TPM4: variants seen among roughly 807,000 people sequenced by gnomAD.
TPM4 encodes tropomyosin alpha-4 chain.
A neutral mutation model predicts 35.8 loss-of-function variants in TPM4; 17 were observed. The observed-to-expected ratio is 0.47, with a 90% CI of 0.32 to 0.71. The LOEUF (loss-of-function observed/expected upper bound fraction) is 0.71, where lower values mean the gene tolerates loss of function less well. TPM4 is among the 30% of genes least tolerant of loss of function. TPM4 has a pLI of 0.03. For synonymous variants in TPM4, 120 were observed against 122.9 expected, an observed-to-expected ratio of 0.98 and a Z score of 0.15; for missense variants, 240 against 320.9, an observed-to-expected ratio of 0.75 and a Z score of 1.93.
At position 16,101,771 on chromosome 19, in the gene TPM4, A is replaced by G. The variant is rs1455809296; in HGVS notation, c.*425A>G. 3.4e-5 allele frequency: 8 copies of G among 233,360 alleles called. No individual in the cohort carries two copies. The highest frequency in any genetic ancestry group is 5.1e-5 in the Non-Finnish European group (6 of 118,090). 14.5% of individuals were successfully genotyped at this position (233,360 alleles called of 1,614,324 possible). On this transcript the variant is annotated 3_prime_UTR_variant, in exon 8 of 8. Transcript: ENST00000643579. Reference sequence around the variant, plus strand: ...TTTTGGGTCAACTGTTGGTCAAACTATAGGAGAGACCAGGGACCATCACAT... The same window carrying G: ...TTTTGGGTCAACTGTTGGTCAAACTGTAGGAGAGACCAGGGACCATCACAT...
At chr19:16,075,951 G>C, upstream of TPM4, 1 of 1,475,778 alleles carries the variant, frequency 6.8e-7, no homozygotes, top group East Asian at 2.5e-5. Flanking sequence ...AGAGAGAGAC[G>C]GAGGACTCTT....
At chr19:16,069,988 ATG>A (rs144086539) in intron 2 of TPM4, among the ~76,000 whole-genome samples, 3 of 146,274 alleles carry the variant, frequency 2.1e-5, no homozygotes, top group Admixed American at 6.8e-5. Context: ...ATGGCACGGC[ATG>A]TGTGTGTGTG....
intron 3 of TPM4, 45 bp from the exon 4 acceptor site, chr19:16,087,982 C>T (rs748357243): frequency 1.3e-5 from 20 of 1,580,596 alleles, no homozygotes; most frequent in Middle Eastern, 3.7e-4. Context: ...GGAGAGGACA[C>T]GGCTGGTGGG....
chr19:16,086,971 T>A (rs982810669), intron 3 of TPM4, among the ~76,000 whole-genome samples: 2 of 152,102 alleles, frequency 1.3e-5, no homozygotes, highest in Non-Finnish European at 2.9e-5. Flanking sequence ...GGCCCCAGGA[T>A]GGCTCTTTCA....
At position 16,089,054 on chromosome 19, in the gene TPM4, T is replaced by C. The variant is rs770202706; in HGVS notation, c.465T>C (p.Gly155=). ...CTTTGTCTTTGTGCAGAAAATGTGG[T>C]GACCTGGAAGAAGAACTCAAGAATG... ...ERAEVSELKC[G]DLEEELKNVT... Residue 155 remains glycine (G), a synonymous_variant, in exon 5 of 8, where the codon GGT becomes GGC. Transcript: ENST00000643579. 9.3e-6 allele frequency: 15 copies of C among 1,614,000 alleles called. No homozygotes were observed. The South Asian group carries it at 1.6e-4, about 18-fold the overall frequency.
Position 16,088,574 on chromosome 19 carries a change from G to C in TPM4, c.456-471G>C, listed in dbSNP as rs180902869. On this transcript the variant is annotated intron_variant, in intron 4 of 7. Transcript: ENST00000643579. ...CGAAAAACAAAACACCTGTCCTCTT[G>C]GCCCCGGGTGAGGAATTCAGCCCCA... 1.2e-5 allele frequency: 12 copies of C among 1,035,200 alleles called. No individual in the cohort carries two copies. The East Asian group carries it at 9.0e-4, about 78-fold the overall frequency. The allele number at this position is 1,035,200 out of a possible 1,614,324, so 64.1% of individuals were successfully genotyped here.
At chr19:16,069,648 T>TC (rs2090335993) in intron 2 of TPM4, among the ~76,000 whole-genome samples, 7 of 136,088 alleles carry the variant, frequency 5.1e-5, no homozygotes, top group African/African-American at 1.9e-4. Context: ...GTGTTTCTGT[T>TC]GGTGTGTGTG....
intron 7 of TPM4, 71 bp from the exon 8 acceptor site, chr19:16,101,189 CAAAT>C: frequency 7.9e-7 from 1 of 1,266,724 alleles, no homozygotes; most frequent in Non-Finnish European, 1.1e-6. Flanking sequence ...GAAAAAAAAA[CAAAT>C]CTTTTTTTTT....
Position 16,096,969 on chromosome 19 carries a change from T to TTC in TPM4, c.664+3217_664+3218dup, listed in dbSNP as rs1568312348. On this transcript the variant is annotated intron_variant, in intron 7 of 7. Transcript: ENST00000643579. ...TTTTTTTTTTTTTTTTTTTTTTTTT[T>TTC]TCAAGACAGGGTCTCACTCTGTTGC... 2.1e-3 allele frequency among the ~76,000 whole-genome samples: 240 copies of TTC among 112,528 alleles called. 2 individuals are homozygous for TTC. The highest frequency in any genetic ancestry group is 8.4e-3 in the African/African-American group (228 of 27,172). 73.8% of individuals were successfully genotyped at this position (112,528 alleles called of 152,430 possible). A position where few individuals can be genotyped will look rare whatever the true frequency, so the allele number is the denominator to read the frequency against.
chr19:16,085,644 C>G (rs537241639), intron 2 of TPM4, among the ~76,000 whole-genome samples: 3 of 152,176 alleles, frequency 2.0e-5, no homozygotes, highest in African/African-American at 4.8e-5. Flanking sequence ...CTACCACTTA[C>G]CAGCTCTGTA....
At chr19:16,096,800 A>C (rs772117282) in intron 7 of TPM4, among the ~76,000 whole-genome samples, 1 of 152,144 alleles carries the variant, frequency 6.6e-6, no homozygotes, top group Admixed American at 6.6e-5. Flanking sequence ...GACTGCTAAC[A>C]TCAATCTCCA....
Position 16,067,878 on chromosome 19 carries a change from G to A in TPM4, c.114+140G>A, listed in dbSNP as rs776335135. ...ATGCTTTGGCGGAGGAAGAGCGAGG[G>A]GACCATTGCCTTCCTTGGATGGGGT... On this transcript the variant is annotated intron_variant, in intron 2 of 2. Coordinates refer to the TPM4 transcript ENST00000589897. The surrounding 1 kb of genome is among the most constrained non-coding windows in gnomAD (Gnocchi z 4.1). The A allele has an allele frequency of 1.3e-6, 1 of 752,318 alleles. No homozygotes were observed. Among genetic ancestry groups the A allele is most frequent in the South Asian group, 1.9e-5 (1 of 52,878 alleles). 46.6% of individuals were successfully genotyped at this position (752,318 alleles called of 1,614,324 possible). A position where few individuals can be genotyped will look rare whatever the true frequency, so the allele number is the denominator to read the frequency against.
chr19:16,076,217 A>C (rs1241846577), upstream of TPM4: 2 of 1,549,128 alleles, frequency 1.3e-6, no homozygotes, highest in Admixed American at 4.0e-5. Context: ...GCCAGGCCGG[A>C]GCCCCGGGGC....
intron 7 of TPM4, among the ~76,000 whole-genome samples, chr19:16,094,271 A>T (rs1248748193): frequency 6.6e-6 from 1 of 152,130 alleles, no homozygotes; most frequent in Non-Finnish European, 1.5e-5. Flanking sequence ...CAGTGGCTCA[A>T]GCCTGTAATC....
intron 2 of TPM4, among the ~76,000 whole-genome samples, chr19:16,082,906 CA>C (rs2090501454): frequency 6.8e-6 from 1 of 147,026 alleles, no homozygotes; most frequent in Non-Finnish European, 1.5e-5. Context: ...GTGGGAGGAT[CA>C]CTTGACCCCA....
chr19:16,078,364 C>T (rs2090438976), intron 1 of TPM4, among the ~76,000 whole-genome samples: 1 of 152,134 alleles, frequency 6.6e-6, no homozygotes, highest in Admixed American at 6.6e-5. Flanking sequence ...AGTGTTGAGG[C>T]TCAGGGTGGG....
upstream of TPM4, among the ~76,000 whole-genome samples, chr19:16,073,953 AAAAAAAACGC>A (rs2090378657): frequency 7.9e-6 from 1 of 126,770 alleles, no homozygotes; most frequent in Non-Finnish European, 1.7e-5. Context: ...AAAAAAAAAA[AAAAAAAACGC>A]AAAAAAAAAA....
chr19:16,080,747 T>C, intron 1 of TPM4: 1 of 303,326 alleles, frequency 3.3e-6, no homozygotes, highest in Non-Finnish European at 6.1e-6. Context: ...AGGTAGAAGT[T>C]GCAGCAAGCC....
chr19:16,088,373 A>G, intron 4 of TPM4: 2 of 1,279,734 alleles, frequency 1.6e-6, no homozygotes, highest in Non-Finnish European at 2.0e-6. Context: ...CAGAAGTCCC[A>G]TTTTCCCAGA....
Sources: gnomAD v4.1 joint callset for allele counts (sites outside exome capture counted in the v4.1 genomes callset) on GRCh38, gnomAD v4.1.1 for gene constraint, Gnocchi (gnomAD v3.1) non-coding constraint, MANE v1.5 for transcripts, NCBI Gene and HGNC (gene_info 2026-07-23, HGNC 2026-07-21) for gene names.